Variants in MYO16 observed in about 807,000 individuals in gnomAD.
MYO16 encodes myosin XVI, also known as unconventional myosin-XVI.
In MYO16, 94 loss-of-function variants were observed where a neutral mutation model predicts 205.3. The ratio of observed to expected loss-of-function variants is 0.46; its 90% CI spans 0.39 to 0.54. The LOEUF (loss-of-function observed/expected upper bound fraction) is 0.54. Among genes scored for constraint, MYO16 ranks in the 20% least tolerant of loss-of-function variants. The pLI, the probability that MYO16 is intolerant of heterozygous loss-of-function variation, is 0.00. For synonymous variants in MYO16, 988 were observed against 954.0 expected (o/e 1.04, Z -0.66); for missense variants, 2,315 against 2,387.5 (o/e 0.97, Z 0.63).
intron 15 of MYO16, among the ~76,000 whole-genome samples, chr13:108,898,351 A>AGTGTGTGTGTGTGT (rs3042037): frequency 0.036 from 5,251 of 144,984 alleles, 122 homozygotes; most frequent in Non-Finnish European, 0.045. Flanking sequence ...AGGGTGTGTG[A>AGTGTGTGTGTGTGT]GTGTGTGTGT....
At chr13:108,611,901 A>G (rs911883188) in intron 1 of MYO16, among the ~76,000 whole-genome samples, 1 of 152,090 alleles carries the variant, frequency 6.6e-6, no homozygotes, top group Non-Finnish European at 1.5e-5. Flanking sequence ...TATTTCTGCA[A>G]AATGCTTGTG....
At chr13:108,877,919 T>C (rs1879402653) in intron 12 of MYO16, among the ~76,000 whole-genome samples, 1 of 152,254 alleles carries the variant, frequency 6.6e-6, no homozygotes, top group Non-Finnish European at 1.5e-5. Context: ...AGTACCATTC[T>C]ATATGCTTGT....
At position 109,055,288 on chromosome 13, in the gene MYO16, A is replaced by C; in HGVS notation, c.3130-102A>C. The C allele has an allele frequency of 9.6e-7, 1 of 1,044,284 alleles. No individual in the cohort carries two copies. Among genetic ancestry groups the C allele is most frequent in the South Asian group, 1.6e-5 (1 of 63,408 alleles). 64.7% of individuals were successfully genotyped at this position (1,044,284 alleles called of 1,614,324 possible). On this transcript the variant is annotated intron_variant, in intron 26 of 34. Transcript: ENST00000457511. The surrounding 1 kb of genome is among the most constrained non-coding windows in gnomAD (Gnocchi z 5.0). ...ACACACACACACAGAGTAAATGCAT[A>C]ATGAGATTTAAAGACGTAAAGACTT...
chr13:109,182,201 C>A (rs531053170), intron 34 of MYO16, among the ~76,000 whole-genome samples: 79 of 152,226 alleles, frequency 5.2e-4, no homozygotes, highest in African/African-American at 1.8e-3. Context: ...TGGCTTTTTC[C>A]TGCCAGTCTC....
chr13:108,906,354 G>A (rs1880977097), intron 15 of MYO16, among the ~76,000 whole-genome samples: 1 of 152,086 alleles, frequency 6.6e-6, no homozygotes, highest in African/African-American at 2.4e-5. Context: ...AGTAAATATA[G>A]CCAGGCTATG....
chr13:108,756,401 C>G (rs907276862), intron 4 of MYO16, among the ~76,000 whole-genome samples: 1 of 152,108 alleles, frequency 6.6e-6, no homozygotes, highest in African/African-American at 2.4e-5. Flanking sequence ...GGTTTCATAA[C>G]TTTGAGAAAC....
chr13:108,608,549 G>A (rs1879048064), intron 1 of MYO16, among the ~76,000 whole-genome samples: 1 of 151,924 alleles, frequency 6.6e-6, no homozygotes. Flanking sequence ...ATTGCTATAT[G>A]TATGTTAAAC....
In MYO16 at chr13:109,055,629, G is replaced by A. The variant is rs765953523; in HGVS notation, c.3335+34G>A. ...TTCTGCTCTTAAAATCGTCGTTCTC[G>A]CTGCTGTTCAGTGCAGTGTACTGAC... On this transcript the variant is annotated intron_variant, in intron 27 of 34. Coordinates refer to ENST00000457511, the MANE Select transcript of MYO16 (RefSeq NM_001198950.3). This position sits in a 1 kb window ranked among gnomAD's most constrained non-coding sequence, Gnocchi z 5.0. 1.3e-5 allele frequency: 20 copies of A among 1,567,782 alleles called. No individual in the cohort carries two copies. The highest frequency in any genetic ancestry group is 8.4e-5 in the Admixed American group (5 of 59,784).
chr13:108,923,752 CT>C (rs1366528248), intron 16 of MYO16, among the ~76,000 whole-genome samples: 1 of 152,212 alleles, frequency 6.6e-6, no homozygotes, highest in Admixed American at 6.5e-5. Context: ...AGGCTGAGCA[CT>C]TTTGGCTTTT....
intron 31 of MYO16, among the ~76,000 whole-genome samples, chr13:109,135,932 A>G (rs1187372891): frequency 2.0e-5 from 3 of 151,656 alleles, no homozygotes; most frequent in African/African-American, 7.3e-5. Flanking sequence ...CCCCTCCTTG[A>G]TTTTTTCTGT....
chr13:109,091,251 C>T (rs1213868760), intron 27 of MYO16, among the ~76,000 whole-genome samples: 1 of 152,140 alleles, frequency 6.6e-6, no homozygotes, highest in Non-Finnish European at 1.5e-5. Flanking sequence ...GGGACATCCT[C>T]ATTCTATCAG....
chr13:108,715,677 C>T (rs1217760192), intron 3 of MYO16, among the ~76,000 whole-genome samples: 1 of 152,210 alleles, frequency 6.6e-6, no homozygotes, highest in South Asian at 2.1e-4. Flanking sequence ...CTGAGGGAGA[C>T]AGAAAAATAA....
chr13:108,842,636 C>G (rs9559422), intron 9 of MYO16, among the ~76,000 whole-genome samples: 2 of 151,846 alleles, frequency 1.3e-5, no homozygotes, highest in Non-Finnish European at 2.9e-5. Context: ...GAAAAGGGAC[C>G]CCTTGAACAC....
intron 22 of MYO16, among the ~76,000 whole-genome samples, chr13:109,012,881 T>G (rs1400031266): frequency 1.3e-5 from 2 of 152,000 alleles, no homozygotes; most frequent in African/African-American, 4.8e-5. Flanking sequence ...GCTTCAAACT[T>G]TCTTCTAGGT....
chr13:109,100,183 A>C (rs565301207), intron 27 of MYO16, among the ~76,000 whole-genome samples: 1 of 152,286 alleles, frequency 6.6e-6, no homozygotes, highest in Non-Finnish European at 1.5e-5. Flanking sequence ...TTTTTGAAAA[A>C]CCTGTAGGAA....
At chr13:108,888,034 C>G (rs1879984797) in intron 13 of MYO16, among the ~76,000 whole-genome samples, 1 of 152,110 alleles carries the variant, frequency 6.6e-6, no homozygotes, top group Admixed American at 6.5e-5. Context: ...ACCTTTCTGG[C>G]ATAATTCACC....
chr13:109,172,829 A>AG (rs1303337181), intron 33 of MYO16, among the ~76,000 whole-genome samples: 3 of 16,056 alleles, frequency 1.9e-4, no homozygotes, highest in African/African-American at 4.6e-4. Flanking sequence ...TACATGAATG[A>AG]GGTAGATGGA....
At chr13:108,961,976 A>G (rs2139367863) in intron 18 of MYO16, among the ~76,000 whole-genome samples, 1 of 152,338 alleles carries the variant, frequency 6.6e-6, no homozygotes, top group South Asian at 2.1e-4. Flanking sequence ...GCATGTTATT[A>G]GCTCAACATT....
At chr13:109,038,741 C>A (rs866537463) in intron 23 of MYO16, among the ~76,000 whole-genome samples, 10 of 151,726 alleles carry the variant, frequency 6.6e-5, no homozygotes, top group African/African-American at 2.4e-4. Flanking sequence ...TTTTTAGAAT[C>A]AAATTTGTTA....
Sources: allele counts gnomAD v4.1 joint callset (sites outside exome capture counted in the v4.1 genomes callset), GRCh38; gene constraint gnomAD v4.1.1; non-coding constraint Gnocchi (gnomAD v3.1); transcripts MANE v1.5; gene names NCBI Gene and HGNC (gene_info 2026-07-23, HGNC 2026-07-21).